The following HBB variants were observed in gnomAD, a reference collection of about 807,000 sequenced individuals.
HBB encodes hemoglobin subunit beta, also known as Hb Monza protein.
Under a neutral mutation model 9.7 loss-of-function variants are expected in HBB, and 18 were observed. The observed-to-expected ratio is 1.86, with a 90% CI of 1.28 to 2.76. The LOEUF (loss-of-function observed/expected upper bound fraction) is 2.76. Ranked by LOEUF, HBB falls within the 30% of genes most tolerant of loss-of-function variation. The pLI, the probability that HBB is intolerant of heterozygous loss-of-function variation, is 0.00. For missense variants in HBB, 156 were observed against 177.0 expected (o/e 0.88, Z 0.67); for synonymous variants, 99 against 73.6 (o/e 1.35, Z -1.77).
chr11:5,225,686 A>C lies in HBB; in HGVS notation c.356T>G (p.Phe119Cys), dbSNP rs33928092. ...NVLVCVLAHHFGKEFTPPVQA... is the reference protein window; with the variant it reads ...NVLVCVLAHHCGKEFTPPVQA... ...CACTGGTGGGGTGAATTCTTTGCCA[A>C]AGTGATGGGCCAGCACACAGACCAG... The change falls in exon 3 of 3, where the codon TTT becomes TGT. Residue 119 changes from phenylalanine (F) to cysteine (C), a missense_variant. Phe to Cys is a radical substitution (Grantham distance 205, BLOSUM62 -2). Coordinates refer to ENST00000335295, the MANE Select transcript of HBB (RefSeq NM_000518.5). 2 of 1,614,130 alleles carry C rather than the reference A, an allele frequency of 1.2e-6. No homozygotes were observed. Among genetic ancestry groups the C allele is most frequent in the Non-Finnish European group, 1.7e-6 (2 of 1,179,994 alleles).
chr11:5,226,900 T>C (rs1589893221), intron 1 of HBB, 30 bp downstream of exon 1: 1 of 1,603,780 alleles, frequency 6.2e-7, no homozygotes, highest in South Asian at 1.1e-5. Flanking sequence ...ATTGGTCTCC[T>C]TAAACCTGTC....
intron 2 of HBB, 114 bp downstream of exon 2, chr11:5,226,463 C>G: frequency 1.1e-6 from 1 of 925,414 alleles, no homozygotes; most frequent in Non-Finnish European, 1.8e-6. Flanking sequence ...CTGATGCAAT[C>G]ATTCGTCTGT....
At chr11:5,225,769 G>C (rs769673434) in intron 2 of HBB, 43 bp from the exon 3 acceptor site, 1 of 1,609,502 alleles carries the variant, frequency 6.2e-7, no homozygotes, top group Non-Finnish European at 8.5e-7. Context: ...TTAGCAAAAG[G>C]GCCTAGCTTG....
At position 5,226,508 on chromosome 11, in the gene HBB, C is replaced by T. The variant is rs111559058; in HGVS notation, c.315+69G>A. On this transcript the variant is annotated intron_variant, in intron 2 of 2. Coordinates refer to ENST00000335295, the MANE Select transcript of HBB (RefSeq NM_000518.5). ...TAAACTGTACCCTGTTACTTATCCC[C>T]TTCCTATGACATGAACTTAACCATA... 2.1e-5 allele frequency: 30 copies of T among 1,414,624 alleles called. No homozygotes were observed. The African/African-American group carries it at 2.7e-4, about 13-fold the overall frequency. The allele number at this position is 1,414,624 out of a possible 1,614,324, so 87.6% of individuals were successfully genotyped here. A position where few individuals can be genotyped will look rare whatever the true frequency, so the allele number is the denominator to read the frequency against.
In HBB at chr11:5,226,893, G is replaced by T. The variant is rs372467642; in HGVS notation, c.92+37C>A. On this transcript the variant is annotated intron_variant, in intron 1 of 2. Coordinates refer to ENST00000335295, the MANE Select transcript of HBB (RefSeq NM_000518.5). ...TGTCTCCACATGCCCAGTTTCTATT[G>T]GTCTCCTTAAACCTGTCTTGTAACC... is the stretch of plus-strand genomic sequence containing the variant. The T allele has an allele frequency of 3.1e-6, 5 of 1,592,996 alleles. No homozygotes were observed. The highest frequency in any genetic ancestry group is 1.3e-5 in the African/African-American group (1 of 74,558).
At chr11:5,225,805 C>A in intron 2 of HBB, 79 bp from the exon 3 acceptor site, 2 of 1,475,478 alleles carry the variant, frequency 1.4e-6, no homozygotes, top group Non-Finnish European at 1.9e-6. Flanking sequence ...AGCCTTATCC[C>A]AACCATAAAA....
rs35382661 is a variant in HBB, at chr11:5,226,966, A to C, written c.56T>G (p.Val19Gly). 2.5e-6 allele frequency: 4 copies of C among 1,613,874 alleles called. No individual in the cohort carries two copies. The highest frequency in any genetic ancestry group is 3.4e-6 in the Non-Finnish European group (4 of 1,179,784). Residue 19 changes from valine to glycine, a missense_variant, in exon 1 of 3, where the codon GTG (valine) becomes GGG (glycine). Transcript: ENST00000335295. ...KSAVTALWGK[V>G]NVDEVGGEAL... is the part of the protein sequence containing the mutation. ...CTCACCACCAACTTCATCCACGTTCACCTTGCCCCACAGGGCAGTAACGGC... is the reference window on the plus strand; with the variant it reads ...CTCACCACCAACTTCATCCACGTTCCCCTTGCCCCACAGGGCAGTAACGGC...
rs1847540893 is a variant in HBB at position 5,226,112 on chromosome 11, T to C, written c.316-386A>G. On this transcript the variant is annotated intron_variant, in intron 2 of 2. Transcript: ENST00000335295. The stretch of plus-strand genomic sequence containing the variant: ...CAAAATTACCCTGATTTGGTCAATA[T>C]GTGTACACATATTAAAACATTACAC... 6.6e-6 allele frequency among the ~76,000 whole-genome samples: 1 copy of C among 152,192 alleles called. No homozygotes were observed. The highest frequency in any genetic ancestry group is 1.5e-5 in the Non-Finnish European group (1 of 68,040).
At chr11:5,226,893 G>A (rs372467642) in intron 1 of HBB, 37 bp downstream of exon 1, 8 of 1,593,004 alleles carry the variant, frequency 5.0e-6, no homozygotes, top group Non-Finnish European at 6.9e-6. Context: ...AGTTTCTATT[G>A]GTCTCCTTAA....
chr11:5,225,850 T>A lies in HBB; in HGVS notation c.316-124A>T, dbSNP rs1184042209. On this transcript the variant is annotated intron_variant, in intron 2 of 2. Coordinates refer to ENST00000335295, the MANE Select transcript of HBB (RefSeq NM_000518.5). ...AATGGTAGCTGGATTGTAGCTGCTA[T>A]TAGCAATATGAAACCTCTTACATCA... 25 of 931,242 alleles carry A rather than the reference T, an allele frequency of 2.7e-5. No individual in the cohort carries two copies. The South Asian group carries it at 3.1e-4, about 12-fold the overall frequency. 57.7% of individuals were successfully genotyped at this position (931,242 alleles called of 1,614,324 possible).
rs1268853687 is a variant in HBB, at chr11:5,225,616, C to A, written c.426G>T (p.Leu142=). ...AGCGAGCTTAGTGATACTTGTGGGC[C>A]AGGGCATTAGCCACACCAGCCACCA... is the stretch of plus-strand genomic sequence containing the variant. ...QKVVAGVANA[L]AHKYH The change falls in exon 3 of 3, where the codon CTG becomes CTT. Residue 142 remains leucine (L), a synonymous_variant. Transcript: ENST00000335295. 1.8e-5 allele frequency: 29 copies of A among 1,613,990 alleles called. No individual in the cohort carries two copies. Among genetic ancestry groups the A allele is most frequent in the Non-Finnish European group, 2.4e-5 (28 of 1,180,010 alleles).
In HBB at chr11:5,226,684, C is replaced by G. The variant is rs33947415; in HGVS notation, c.208G>C (p.Gly70Arg). Residue 70 changes from glycine (G) to arginine (R), a missense_variant, in exon 2 of 3, where the codon GGT becomes CGT. Physicochemically the swap from Gly to Arg is moderately radical, Grantham distance 125 (BLOSUM62 -2). Transcript: ENST00000335295. ...TGAGCCAGGCCATCACTAAAGGCACCGAGCACTTTCTTGCCATGAGCCTTC... is the reference window on the plus strand; with the variant it reads ...TGAGCCAGGCCATCACTAAAGGCACGGAGCACTTTCTTGCCATGAGCCTTC... ...KVKAHGKKVL[G>R]AFSDGLAHLD... 6.2e-7 allele frequency: 1 copy of G among 1,614,012 alleles called. No individual in the cohort carries two copies. The highest frequency in any genetic ancestry group is 8.5e-7 in the Non-Finnish European group (1 of 1,179,982).
At chr11:5,225,748 T>C (rs1847532871) in intron 2 of HBB, 22 bp from the exon 3 acceptor site, 1 of 1,613,386 alleles carries the variant, frequency 6.2e-7, no homozygotes, top group Non-Finnish European at 8.5e-7. Context: ...AGATAAGAGG[T>C]ATGAACATGA....
Position 5,225,811 on chromosome 11 carries a change from T to C in HBB, c.316-85A>G, listed in dbSNP as rs1847534399. ...GAATAATCCAGCCTTATCCCAACCA[T>C]AAAATAAAAGCAGAATGGTAGCTGG... On this transcript the variant is annotated intron_variant, in intron 2 of 2. Transcript: ENST00000335295. The C allele has an allele frequency of 5.6e-6, 8 of 1,429,810 alleles. No homozygotes were observed. Among genetic ancestry groups the C allele is most frequent in the Admixed American group, 1.7e-5 (1 of 59,562 alleles). The allele number at this position is 1,429,810 out of a possible 1,614,324, so 88.6% of individuals were successfully genotyped here.
intron 2 of HBB, 93 bp downstream of exon 2, chr11:5,226,484 A>G: frequency 2.6e-6 from 3 of 1,171,060 alleles, no homozygotes; most frequent in Non-Finnish European, 3.8e-6. Flanking sequence ...TTCCCATTCT[A>G]AACTGTACCC....
rs34589620 is a variant in HBB at position 5,226,719 on chromosome 11, T to C, written c.173A>G (p.Asn58Ser). Residue 58 changes from asparagine to serine, a missense_variant, in exon 2 of 3, where the codon AAC (asparagine) becomes AGC (serine). By Grantham distance (46) the Asn-to-Ser change is conservative. Coordinates refer to ENST00000335295, the MANE Select transcript of HBB (RefSeq NM_000518.5). ...CTTGCCATGAGCCTTCACCTTAGGG[T>C]TGCCCATAACAGCATCAGGAGTGGA... The part of the protein sequence containing the change: ...DLSTPDAVMG[N>S]PKVKAHGKKV... 2.2e-5 allele frequency: 35 copies of C among 1,613,942 alleles called. No individual in the cohort carries two copies. Among genetic ancestry groups the C allele is most frequent in the African/African-American group, 5.3e-5 (4 of 74,866 alleles).
intron 2 of HBB, 66 bp downstream of exon 2, chr11:5,226,511 C>T: frequency 2.1e-6 from 3 of 1,434,222 alleles, no homozygotes; most frequent in Non-Finnish European, 3.0e-6. Context: ...TTATCCCCTT[C>T]CTATGACATG....
In HBB at chr11:5,226,374, A is replaced by G. The variant is rs1042051118; in HGVS notation, c.315+203T>C. The G allele has an allele frequency of 9.7e-6, 6 of 619,386 alleles. No individual in the cohort carries two copies. The Admixed American group carries it at 1.5e-4, about 15-fold the overall frequency. The allele number at this position is 619,386 out of a possible 1,614,324, so 38.4% of individuals were successfully genotyped here. A position where few individuals can be genotyped will look rare whatever the true frequency, so the allele number is the denominator to read the frequency against. ...AAAATTGCGGAGAAGAAAAAAAAAG[A>G]AAGCAAGAATTAAACAAAAGAAAAC... On this transcript the variant is annotated intron_variant, in intron 2 of 2. Coordinates refer to ENST00000335295, the MANE Select transcript of HBB (RefSeq NM_000518.5).
At position 5,227,031 on chromosome 11, in the gene HBB, T is replaced by A. The variant is rs747545656; in HGVS notation, c.-10A>T. The A allele has an allele frequency of 6.4e-7, 1 of 1,559,694 alleles. No homozygotes were observed. Among genetic ancestry groups the A allele is most frequent in the Admixed American group, 1.7e-5 (1 of 59,966 alleles). ...GAGTCAGATGCACCATGGTGTCTGT[T>A]TGAGGTTGCTAGTGAACACAGTTGT... On this transcript the variant is annotated 5_prime_UTR_variant, in exon 1 of 3. Transcript: ENST00000335295.
Sources: allele counts gnomAD v4.1 joint callset (sites outside exome capture counted in the v4.1 genomes callset), GRCh38; gene constraint gnomAD v4.1.1; transcripts MANE v1.5; gene names NCBI Gene and HGNC (gene_info 2026-07-23, HGNC 2026-07-21).